Variants in SLC1A1 observed in about 807,000 individuals in gnomAD.
The protein encoded by SLC1A1 is solute carrier family 1 member 1, also known as excitatory amino acid transporter 3.
In SLC1A1, 43 loss-of-function variants were observed where a neutral mutation model predicts 53.3. The observed-to-expected ratio is 0.81, with a 90% confidence interval of 0.63 to 1.04. SLC1A1 has a LOEUF of 1.04. Ranked by LOEUF, SLC1A1 falls within the 50% of genes least tolerant of loss-of-function variation. SLC1A1 has a pLI of 0.00. For synonymous variants in SLC1A1, 307 were observed against 243.2 expected (o/e 1.26, Z -2.44); for missense variants, 748 against 664.9 (o/e 1.12, Z -1.37).
intron 1 of SLC1A1, among the ~76,000 whole-genome samples, chr9:4,526,780 T>G (rs10974594): frequency 0.41 from 62,088 of 151,498 alleles, 13,179 homozygotes; most frequent in Admixed American, 0.48. Context: ...GGTTTGGTTG[T>G]AGTAAGGGAT....
intron 2 of SLC1A1, among the ~76,000 whole-genome samples, chr9:4,548,313 C>T (rs1325793084): frequency 1.3e-5 from 2 of 152,144 alleles, no homozygotes; most frequent in East Asian, 3.9e-4. Context: ...TGCAAATGCC[C>T]TCATGAATCC....
At chr9:4,550,506 T>C (rs72691978) in intron 2 of SLC1A1, among the ~76,000 whole-genome samples, 6,458 of 152,228 alleles carry the variant, frequency 0.042, 211 homozygotes, top group South Asian at 0.061. Flanking sequence ...TCCTTCCACC[T>C]AAGCCTTCCT....
rs1821512200 is a variant in SLC1A1 at position 4,585,527 on chromosome 9, C to G, written c.1544C>G (p.Thr515Ser). The G allele has an allele frequency of 6.2e-7, 1 of 1,614,226 alleles. No individual in the cohort carries two copies. Among genetic ancestry groups the G allele is most frequent in the East Asian group, 2.2e-5 (1 of 44,888 alleles). ...GGCTTTGCAGTAGACAAGTCTGACA[C>G]CATCTCATTCACCCAGACCTCACAG... The part of the protein sequence containing the change: ...NGGFAVDKSD[T>S]ISFTQTSQF The change falls in exon 12 of 12, where the codon ACC becomes AGC. Residue 515 changes from threonine (T) to serine (S), a missense_variant. Transcript: ENST00000262352.
intron 1 of SLC1A1, among the ~76,000 whole-genome samples, chr9:4,504,089 A>T (rs1178006060): frequency 2.0e-5 from 3 of 151,702 alleles, no homozygotes; most frequent in African/African-American, 7.2e-5. Flanking sequence ...ACTGGAGAGC[A>T]TCTCTGTACC....
chr9:4,571,564 C>T (rs1820054531), intron 6 of SLC1A1, among the ~76,000 whole-genome samples: 1 of 152,080 alleles, frequency 6.6e-6, no homozygotes, highest in Admixed American at 6.5e-5. Context: ...GTAATCCCAG[C>T]TACTAGGGAG....
chr9:4,538,324 CAGTT>C (rs1462706594), intron 1 of SLC1A1, among the ~76,000 whole-genome samples: 2 of 152,144 alleles, frequency 1.3e-5, no homozygotes, highest in African/African-American at 2.4e-5. Context: ...TTCCAGGTGA[CAGTT>C]AGGTAAGAGA....
intron 9 of SLC1A1, 116 bp from the exon 10 acceptor site, chr9:4,576,453 G>A (rs1003041631): frequency 2.3e-5 from 20 of 864,548 alleles, no homozygotes; most frequent in African/African-American, 3.3e-5. Flanking sequence ...TACTTTTCTC[G>A]ACAAGATTAC....
chr9:4,569,715 A>C (rs567254660), intron 6 of SLC1A1, among the ~76,000 whole-genome samples: 11 of 152,300 alleles, frequency 7.2e-5, no homozygotes, highest in Admixed American at 7.2e-4. Flanking sequence ...GAGGCCCTGC[A>C]TGACCTGGCT....
chr9:4,557,622 C>A (rs62542091), intron 2 of SLC1A1, among the ~76,000 whole-genome samples: 33,113 of 149,790 alleles, frequency 0.22, 3,898 homozygotes, highest in East Asian at 0.46. Flanking sequence ...CTCATCTCTA[C>A]AATTAAAAAA....
intron 1 of SLC1A1, among the ~76,000 whole-genome samples, chr9:4,524,017 G>C (rs1158452645): frequency 6.6e-6 from 1 of 152,090 alleles, no homozygotes; most frequent in African/African-American, 2.4e-5. Flanking sequence ...TTATTTCATT[G>C]TGTATATTAA....
chr9:4,569,527 T>G (rs180906997), intron 6 of SLC1A1, among the ~76,000 whole-genome samples: 2 of 152,198 alleles, frequency 1.3e-5, no homozygotes, highest in Non-Finnish European at 2.9e-5. Context: ...TGGGCCTGCA[T>G]TGGTACCTCT....
chr9:4,564,344 G>A lies in SLC1A1; in HGVS notation c.326G>A (p.Gly109Asp), dbSNP rs1460975286. The A allele has an allele frequency of 7.5e-6, 12 of 1,610,194 alleles. No individual in the cohort carries two copies. Among genetic ancestry groups the A allele is most frequent in the Non-Finnish European group, 8.5e-7 (1 of 1,177,268 alleles). Residue 109 changes from glycine (G) to aspartate (D), a missense_variant and splice_region_variant, in exon 4 of 12, where the codon GGT becomes GAT. Transcript: ENST00000262352. Reference sequence around the variant, plus strand: ...CTGTGGACGCTGTTCTTGGCCACAGGTATTGTGCTGGTGGTGAGCATCAAG... The same window carrying A: ...CTGTGGACGCTGTTCTTGGCCACAGATATTGTGCTGGTGGTGAGCATCAAG... The part of the protein sequence containing the change: ...FCTTLIAVIL[G>D]IVLVVSIKPG...
chr9:4,534,628 G>A lies in SLC1A1; in HGVS notation c.92-9939G>A, dbSNP rs1399429737. Reference sequence around the variant, plus strand: ...ATGGATTCACAGCCGAATTCTACCAGAGGTACAAGGAGGTGCTGGTACCAT... The same window carrying A: ...ATGGATTCACAGCCGAATTCTACCAAAGGTACAAGGAGGTGCTGGTACCAT... On this transcript the variant is annotated intron_variant, in intron 1 of 11. Transcript: ENST00000262352. Among the ~76,000 whole-genome samples the A allele has an allele frequency of 3.9e-5, 6 of 152,052 alleles. No homozygotes were observed. In the East Asian group the frequency reaches 1.2e-3, roughly 30 times the overall value.
chr9:4,545,702 T>G (rs1564023962), intron 2 of SLC1A1, among the ~76,000 whole-genome samples: 1 of 152,238 alleles, frequency 6.6e-6, no homozygotes, highest in Non-Finnish European at 1.5e-5. Flanking sequence ...TCGAAAAGCC[T>G]AGTATTTTTA....
intron 10 of SLC1A1, among the ~76,000 whole-genome samples, chr9:4,582,233 C>G (rs920228586): frequency 6.6e-6 from 1 of 152,220 alleles, no homozygotes; most frequent in South Asian, 2.1e-4. Flanking sequence ...ACTGCCTCAG[C>G]TGATCTTACC....
At chr9:4,495,468 T>C (rs923232723) in intron 1 of SLC1A1, among the ~76,000 whole-genome samples, 9 of 151,996 alleles carry the variant, frequency 5.9e-5, no homozygotes, top group Non-Finnish European at 8.8e-5. Flanking sequence ...ATGAGAATAG[T>C]GTTCTGGAGT....
chr9:4,579,764 C>T (rs1277109512), intron 10 of SLC1A1, among the ~76,000 whole-genome samples: 4 of 152,114 alleles, frequency 2.6e-5, no homozygotes, highest in African/African-American at 7.2e-5. Context: ...GATTTTTAGA[C>T]CCAAAGTATA....
intron 1 of SLC1A1, among the ~76,000 whole-genome samples, chr9:4,533,087 C>T (rs1000723529): frequency 2.0e-5 from 3 of 152,150 alleles, no homozygotes; most frequent in Non-Finnish European, 4.4e-5. Flanking sequence ...AAGGAAAAAC[C>T]GGTGCCAGCC....
chr9:4,571,252 G>GGT (rs1328077724), intron 6 of SLC1A1, among the ~76,000 whole-genome samples: 3 of 152,080 alleles, frequency 2.0e-5, no homozygotes, highest in African/African-American at 4.8e-5. Context: ...GTGGGAGGAG[G>GGT]GAGAGGATCA....
Sources: gnomAD v4.1 joint callset for allele counts (sites outside exome capture counted in the v4.1 genomes callset) on GRCh38, gnomAD v4.1.1 for gene constraint, MANE v1.5 for transcripts, NCBI Gene and HGNC (gene_info 2026-07-23, HGNC 2026-07-21) for gene names.